The following GTF2E1 variants were observed in gnomAD, a reference collection of about 807,000 sequenced individuals.
The protein encoded by GTF2E1 is general transcription factor IIE subunit 1.
GTF2E1 carries 14 observed loss-of-function variants against 34.9 expected under a neutral mutation model. The ratio of observed to expected loss-of-function variants is 0.40; its 90% CI spans 0.27 to 0.63. The LOEUF is 0.63. GTF2E1 is among the 20% of genes least tolerant of loss of function. GTF2E1 has a pLI of 0.39. For synonymous variants in GTF2E1, 188 were observed against 192.9 expected, an observed-to-expected ratio of 0.97 and a Z score of 0.21; for missense variants, 469 against 557.7, an observed-to-expected ratio of 0.84 and a Z score of 1.60.
chr3:120,777,424 C>T (rs777886955), intron 4 of GTF2E1, among the ~76,000 whole-genome samples: 14 of 152,012 alleles, frequency 9.2e-5, no homozygotes, highest in East Asian at 3.9e-4. Context: ...ATCAATGTGC[C>T]GCTACTCCCA....
At chr3:120,776,120 T>C (rs1332898876) in intron 3 of GTF2E1, among the ~76,000 whole-genome samples, 1 of 152,206 alleles carries the variant, frequency 6.6e-6, no homozygotes, top group Non-Finnish European at 1.5e-5. Context: ...CACTTTCTCC[T>C]TCTCCAAGTA....
At chr3:120,747,689 G>A (rs1424677240) in intron 1 of GTF2E1, among the ~76,000 whole-genome samples, 19 of 152,240 alleles carry the variant, frequency 1.2e-4, no homozygotes, top group African/African-American at 4.6e-4. Flanking sequence ...GCTATTGTGA[G>A]TAGTCCCGCA....
At chr3:120,774,770 C>T (rs903023772) in intron 3 of GTF2E1, among the ~76,000 whole-genome samples, 1 of 152,050 alleles carries the variant, frequency 6.6e-6, no homozygotes, top group Non-Finnish European at 1.5e-5. Flanking sequence ...AGACATGGAA[C>T]AGGTAGAACA....
chr3:120,781,234 G>A lies in GTF2E1; in HGVS notation c.1084G>A (p.Asp362Asn). 2 of 1,614,142 alleles carry A rather than the reference G, an allele frequency of 1.2e-6. No individual in the cohort carries two copies. Among genetic ancestry groups the A allele is most frequent in the Non-Finnish European group, 1.7e-6 (2 of 1,179,968 alleles). ...SDSESETSES[D>N]DDSPPRPAAV... ...CTCAGAAAGCGAGACCAGTGAGTCA[G>A]ATGATGATTCTCCACCCCGTCCGGC... Residue 362 changes from aspartate (D) to asparagine (N), a missense_variant, in exon 5 of 5, where the codon GAT (aspartate) becomes AAT (asparagine). Asp to Asn is a conservative substitution (Grantham distance 23). Transcript: ENST00000283875.
chr3:120,775,183 C>G (rs1709388413), intron 3 of GTF2E1, among the ~76,000 whole-genome samples: 1 of 151,888 alleles, frequency 6.6e-6, no homozygotes, highest in South Asian at 2.1e-4. Context: ...TGAAGTAAGA[C>G]AAAAGTGAAG....
At chr3:120,768,991 G>T (rs868553531) in intron 2 of GTF2E1, among the ~76,000 whole-genome samples, 1 of 152,022 alleles carries the variant, frequency 6.6e-6, no homozygotes, top group African/African-American at 2.4e-5. Context: ...TTGAGTTTAT[G>T]CCTTAACTGC....
chr3:120,772,606 T>G (rs1057184981), intron 3 of GTF2E1, among the ~76,000 whole-genome samples: 1 of 152,196 alleles, frequency 6.6e-6, no homozygotes, highest in Non-Finnish European at 1.5e-5. Context: ...AAATTGATTT[T>G]ACAAAAATAC....
At chr3:120,769,223 C>T (rs534117916) in intron 2 of GTF2E1, among the ~76,000 whole-genome samples, 2 of 150,550 alleles carry the variant, frequency 1.3e-5, no homozygotes, top group Non-Finnish European at 3.0e-5. Flanking sequence ...CTAGTTCTTC[C>T]TCTCTTTACT....
Position 120,781,491 on chromosome 3 carries a change from C to T in GTF2E1, c.*21C>T. On this transcript the variant is annotated 3_prime_UTR_variant, in exon 5 of 5. Transcript: ENST00000283875. The stretch of plus-strand genomic sequence containing the variant: ...AGTGAGCTTTCCCTAATTCTTTCTC[C>T]TTTCTCTAATGCTCAGTTCAAAAAG... 1 of 1,582,398 alleles carries T rather than the reference C, an allele frequency of 6.3e-7. No homozygotes were observed. Among genetic ancestry groups the T allele is most frequent in the Non-Finnish European group, 8.7e-7 (1 of 1,152,870 alleles).
At chr3:120,748,859 G>A (rs920238678) in intron 1 of GTF2E1, among the ~76,000 whole-genome samples, 10 of 152,214 alleles carry the variant, frequency 6.6e-5, no homozygotes, top group East Asian at 3.9e-4. Context: ...CCATTTTCAC[G>A]ATATTGATTC....
Position 120,781,291 on chromosome 3 carries a change from G to A in GTF2E1, c.1141G>A (p.Glu381Lys). 1 of 1,614,158 alleles carries A rather than the reference G, an allele frequency of 6.2e-7. No homozygotes were observed. The highest frequency in any genetic ancestry group is 8.5e-7 in the Non-Finnish European group (1 of 1,180,004). The change falls in exon 5 of 5, where the codon GAA becomes AAA. Residue 381 changes from glutamate (E) to lysine (K), a missense_variant. Transcript: ENST00000283875. The stretch of plus-strand genomic sequence containing the variant: ...GGCTGTGCATAAACGAGAAGAGGAT[G>A]AAGAGGAAGATGACGAGTTTGAAGA... ...AVAVHKREED[E>K]EEDDEFEEVA...
intron 4 of GTF2E1, among the ~76,000 whole-genome samples, chr3:120,777,929 G>T (rs562599997): frequency 6.6e-6 from 1 of 152,306 alleles, no homozygotes; most frequent in South Asian, 2.1e-4. Context: ...TTGCCATGTT[G>T]TCCAGGCTGG....
intron 2 of GTF2E1, among the ~76,000 whole-genome samples, chr3:120,761,158 G>A (rs1317844921): frequency 1.3e-5 from 2 of 152,136 alleles, no homozygotes; most frequent in African/African-American, 2.4e-5. Flanking sequence ...GAGGGTATAT[G>A]TGTCCAGGAA....
chr3:120,758,399 T>C (rs1709228503), intron 2 of GTF2E1, among the ~76,000 whole-genome samples: 1 of 152,054 alleles, frequency 6.6e-6, no homozygotes, highest in Non-Finnish European at 1.5e-5. Context: ...CAATGTAAAG[T>C]GATTCTTTTT....
intron 2 of GTF2E1, among the ~76,000 whole-genome samples, chr3:120,760,207 G>A (rs566836484): frequency 4.6e-5 from 7 of 152,276 alleles, no homozygotes; most frequent in Admixed American, 2.6e-4. Context: ...GTGAATGGGA[G>A]TTCACTCATG....
chr3:120,750,057 T>G (rs2107605215), intron 1 of GTF2E1: 1 of 155,270 alleles, frequency 6.4e-6, no homozygotes, highest in South Asian at 1.9e-4. Flanking sequence ...TTTATTGGTT[T>G]GTTGTGATTT....
At chr3:120,763,519 G>A (rs915106351) in intron 2 of GTF2E1, among the ~76,000 whole-genome samples, 2 of 152,174 alleles carry the variant, frequency 1.3e-5, no homozygotes, top group Non-Finnish European at 2.9e-5. Flanking sequence ...ATATATATTA[G>A]TGTTATGTCT....
intron 2 of GTF2E1, among the ~76,000 whole-genome samples, chr3:120,767,570 C>G (rs530793499): frequency 2.0e-5 from 3 of 152,180 alleles, no homozygotes; most frequent in Non-Finnish European, 4.4e-5. Flanking sequence ...GGGGAACTGG[C>G]TTAAATACTG....
In GTF2E1 at chr3:120,749,561, G is replaced by A. The variant is rs570318175; in HGVS notation, c.-30-962G>A. The stretch of plus-strand genomic sequence containing the variant: ...GTTTATATGCTGGATTACATTTATT[G>A]ATTTGCGTATATTGAACCAGCCTTG... On this transcript the variant is annotated intron_variant, in intron 1 of 4. Coordinates refer to ENST00000283875, the MANE Select transcript of GTF2E1 (RefSeq NM_005513.3). Among the ~76,000 whole-genome samples the A allele has an allele frequency of 1.3e-3, 205 of 152,168 alleles. 3 individuals are homozygous for A. Among genetic ancestry groups the A allele is most frequent in the African/African-American group, 4.3e-3 (180 of 41,506 alleles).
Sources: allele counts gnomAD v4.1 joint callset (sites outside exome capture counted in the v4.1 genomes callset), GRCh38; gene constraint gnomAD v4.1.1; transcripts MANE v1.5; gene names NCBI Gene and HGNC (gene_info 2026-07-23, HGNC 2026-07-21).